CNTNAP2: variants seen among roughly 807,000 people sequenced by gnomAD.
CNTNAP2 encodes the protein contactin associated protein 2.
A neutral mutation model predicts 155.2 loss-of-function variants in CNTNAP2; 98 were observed. The ratio of observed to expected loss-of-function variants is 0.63; its 90% CI spans 0.54 to 0.75. CNTNAP2 has a LOEUF of 0.75. Among genes scored for constraint, CNTNAP2 ranks in the 30% least tolerant of loss-of-function variants. The pLI is 0.00. For synonymous variants in CNTNAP2, 651 were observed against 631.2 expected (o/e 1.03, Z -0.47); for missense variants, 1,727 against 1,688.1 (o/e 1.02, Z -0.40).
chr7:146,493,601 A>T (rs950972477), intron 1 of CNTNAP2, among the ~76,000 whole-genome samples: 4 of 152,100 alleles, frequency 2.6e-5, no homozygotes, highest in Non-Finnish European at 4.4e-5. Context: ...GAAAATAAAG[A>T]GCCCAGGTGT....
intron 13 of CNTNAP2, among the ~76,000 whole-genome samples, chr7:147,884,525 G>T (rs1053947467): frequency 6.6e-6 from 1 of 151,544 alleles, no homozygotes; most frequent in South Asian, 2.1e-4. Flanking sequence ...TTGACATAAT[G>T]TGAAGAGCTT....
At chr7:147,694,816 T>C (rs1164160152) in intron 13 of CNTNAP2, among the ~76,000 whole-genome samples, 1 of 152,200 alleles carries the variant, frequency 6.6e-6, no homozygotes, top group African/African-American at 2.4e-5. Flanking sequence ...ATCAATTTCC[T>C]GTTTCCAATT....
chr7:146,638,408 T>A (rs181934585), intron 1 of CNTNAP2, among the ~76,000 whole-genome samples: 13 of 151,566 alleles, frequency 8.6e-5, no homozygotes, highest in Admixed American at 8.5e-4. Flanking sequence ...TTTGGTAGCA[T>A]ATTAAAATAT....
At chr7:147,913,211 G>A (rs757230431) in intron 14 of CNTNAP2, among the ~76,000 whole-genome samples, 72 of 152,186 alleles carry the variant, frequency 4.7e-4, no homozygotes, top group Non-Finnish European at 8.2e-4. Context: ...TATTGGGGGA[G>A]GAAGGAGCAT....
Position 147,680,214 on chromosome 7 carries a change from T to C in CNTNAP2, c.2098+40908T>C, listed in dbSNP as rs144973006. 6.2e-4 allele frequency among the ~76,000 whole-genome samples: 94 copies of C among 151,992 alleles called. No homozygotes were observed. In the East Asian group the frequency reaches 0.018, roughly 29 times the overall value. On this transcript the variant is annotated intron_variant, in intron 13 of 23. Coordinates refer to ENST00000361727, the MANE Select transcript of CNTNAP2 (RefSeq NM_014141.6). Reference sequence around the variant, plus strand: ...GTAAGGAAATAGTGGGTGTGAGGTATAGAGAGAAAACTTTCCCATCATCAA... The same window carrying C: ...GTAAGGAAATAGTGGGTGTGAGGTACAGAGAGAAAACTTTCCCATCATCAA...
At chr7:146,875,086 A>G (rs1795392688) in intron 3 of CNTNAP2, among the ~76,000 whole-genome samples, 1 of 152,184 alleles carries the variant, frequency 6.6e-6, no homozygotes, top group African/African-American at 2.4e-5. Flanking sequence ...GCGAATAACT[A>G]AGAATATATT....
At chr7:147,101,948 G>A (rs1800666150) in intron 4 of CNTNAP2, among the ~76,000 whole-genome samples, 1 of 152,130 alleles carries the variant, frequency 6.6e-6, no homozygotes, top group Non-Finnish European at 1.5e-5. Flanking sequence ...ACGGTTTGCG[G>A]GCTTGAGGGC....
intron 21 of CNTNAP2, among the ~76,000 whole-genome samples, chr7:148,326,813 C>T (rs562013984): frequency 3.3e-5 from 5 of 149,772 alleles, no homozygotes; most frequent in African/African-American, 9.9e-5. Flanking sequence ...TGCAGTGAGC[C>T]GAGATCGTGC....
chr7:147,027,159 A>G (rs537309488), intron 3 of CNTNAP2, among the ~76,000 whole-genome samples: 1 of 152,298 alleles, frequency 6.6e-6, no homozygotes, highest in African/African-American at 2.4e-5. Flanking sequence ...TGTGTTCAGA[A>G]GTTAAAGTTG....
intron 15 of CNTNAP2, among the ~76,000 whole-genome samples, chr7:148,092,204 G>C (rs996759577): frequency 6.6e-6 from 1 of 152,130 alleles, no homozygotes. Flanking sequence ...ATTCTTCCAC[G>C]ACATTTGTTG....
At chr7:148,014,962 TG>T (rs1158535805) in intron 15 of CNTNAP2, among the ~76,000 whole-genome samples, 1 of 152,194 alleles carries the variant, frequency 6.6e-6, no homozygotes, top group Non-Finnish European at 1.5e-5. Context: ...GTGAAGTTCT[TG>T]TGAGAAGGAT....
At chr7:148,186,863 A>G (rs558560603) in intron 18 of CNTNAP2, among the ~76,000 whole-genome samples, 93 of 152,260 alleles carry the variant, frequency 6.1e-4, no homozygotes, top group African/African-American at 2.2e-3. Context: ...CCAATTTGCT[A>G]TGGCTATTCT....
chr7:146,698,703 C>T (rs1800825134), intron 1 of CNTNAP2, among the ~76,000 whole-genome samples: 1 of 151,992 alleles, frequency 6.6e-6, no homozygotes, highest in Non-Finnish European at 1.5e-5. Context: ...TGGGCTCTTC[C>T]TTCTGTTCCT....
At chr7:148,048,090 A>AT (rs376394968) in intron 15 of CNTNAP2, among the ~76,000 whole-genome samples, 35,327 of 145,168 alleles carry the variant, frequency 0.24, 4,361 homozygotes, top group Middle Eastern at 0.35. Flanking sequence ...TGCCCAGCTA[A>AT]TTTTTTTTTT....
intron 1 of CNTNAP2, among the ~76,000 whole-genome samples, chr7:146,506,828 G>T (rs1797391490): frequency 6.6e-6 from 1 of 152,146 alleles, no homozygotes; most frequent in Non-Finnish European, 1.5e-5. Flanking sequence ...TCAGTACTAG[G>T]CTGGACCATG....
intron 9 of CNTNAP2, among the ~76,000 whole-genome samples, chr7:147,324,298 C>G (rs2692141): frequency 6.6e-6 from 1 of 151,960 alleles, no homozygotes; most frequent in Non-Finnish European, 1.5e-5. Flanking sequence ...TCAATGAATT[C>G]ATAAGGATAA....
intron 9 of CNTNAP2, among the ~76,000 whole-genome samples, chr7:147,390,379 T>C (rs1360945992): frequency 6.6e-6 from 1 of 152,192 alleles, no homozygotes; most frequent in Non-Finnish European, 1.5e-5. Context: ...AGTAATAATT[T>C]ATTATCTCTT....
At chr7:148,214,551 G>A (rs532607371) in intron 18 of CNTNAP2, among the ~76,000 whole-genome samples, 2 of 152,234 alleles carry the variant, frequency 1.3e-5, no homozygotes. Context: ...ATGTGGAGCA[G>A]GAGAATTCTT....
At chr7:146,223,718 T>A in intron 1 of CNTNAP2, among the ~76,000 whole-genome samples, 1 of 152,198 alleles carries the variant, frequency 6.6e-6, no homozygotes, top group East Asian at 1.9e-4. Context: ...TTATTTGTTA[T>A]TATAATGTAG....
Sources: gnomAD v4.1 joint callset for allele counts (sites outside exome capture counted in the v4.1 genomes callset) on GRCh38, gnomAD v4.1.1 for gene constraint, MANE v1.5 for transcripts, NCBI Gene and HGNC (gene_info 2026-07-23, HGNC 2026-07-21) for gene names.